Variants in NECAB1 observed in about 807,000 individuals in gnomAD.
The protein encoded by NECAB1 is N-terminal EF-hand calcium binding protein 1.
NECAB1 carries 29 observed loss-of-function variants against 57.5 expected under a neutral mutation model. The observed-to-expected ratio is 0.50, with a 90% CI of 0.38 to 0.69. The LOEUF (loss-of-function observed/expected upper bound fraction) is 0.69, where lower values mean the gene tolerates loss of function less well. NECAB1 is among the 30% of genes least tolerant of loss of function. The pLI is 0.00. For synonymous variants in NECAB1, 142 were observed against 147.7 expected (o/e 0.96, Z 0.28); for missense variants, 372 against 413.8 (o/e 0.90, Z 0.88).
chr8:90,954,485 G>A (rs1218082903), intron 12 of NECAB1, among the ~76,000 whole-genome samples: 4 of 151,694 alleles, frequency 2.6e-5, no homozygotes, highest in Non-Finnish European at 5.9e-5. Context: ...AAAAACCTAC[G>A]GTTATGGGAA....
intron 1 of NECAB1, among the ~76,000 whole-genome samples, chr8:90,796,310 AC>A (rs1330793596): frequency 3.3e-5 from 5 of 151,852 alleles, no homozygotes; most frequent in Admixed American, 2.6e-4. Context: ...ACTCCTGCCG[AC>A]CCTGTGTGGT....
At chr8:90,914,519 T>C (rs1444974897) in intron 5 of NECAB1, among the ~76,000 whole-genome samples, 1 of 152,086 alleles carries the variant, frequency 6.6e-6, no homozygotes, top group Non-Finnish European at 1.5e-5. Flanking sequence ...AATTTAATCC[T>C]CCAAACCTTA....
At chr8:90,830,315 A>G (rs1213717388) in intron 3 of NECAB1, among the ~76,000 whole-genome samples, 1 of 152,080 alleles carries the variant, frequency 6.6e-6, no homozygotes, top group African/African-American at 2.4e-5. Flanking sequence ...ACCAAGACTT[A>G]AGTTCCTGGA....
chr8:90,872,055 T>G (rs1808630659), intron 3 of NECAB1, 73 bp from the exon 4 acceptor site: 1 of 1,178,310 alleles, frequency 8.5e-7, no homozygotes, highest in Non-Finnish European at 1.2e-6. Context: ...CTAACTGTAT[T>G]TAACTATTTA....
intron 1 of NECAB1, among the ~76,000 whole-genome samples, chr8:90,792,351 C>T (rs1360786355): frequency 1.3e-5 from 2 of 152,168 alleles, no homozygotes; most frequent in Non-Finnish European, 2.9e-5. Context: ...CTCTAACGCG[C>T]CCTATTCGCA....
At chr8:90,892,887 G>A (rs2129964983) in intron 5 of NECAB1, among the ~76,000 whole-genome samples, 2 of 152,256 alleles carry the variant, frequency 1.3e-5, no homozygotes, top group South Asian at 4.1e-4. Flanking sequence ...TTTGCCCAGA[G>A]CACACAGGCC....
chr8:90,947,276 C>A (rs1342059838), intron 10 of NECAB1, among the ~76,000 whole-genome samples: 1 of 110,352 alleles, frequency 9.1e-6, no homozygotes, highest in Admixed American at 1.0e-4. Context: ...GTGATACTTT[C>A]CTTTTAGCTA....
chr8:90,821,343 T>C (rs1035329247), intron 2 of NECAB1, among the ~76,000 whole-genome samples: 1 of 151,940 alleles, frequency 6.6e-6, no homozygotes, highest in Admixed American at 6.6e-5. Context: ...GTTTCCAAAA[T>C]ATGACTGTGG....
chr8:90,939,583 T>A (rs1274910275), intron 9 of NECAB1, among the ~76,000 whole-genome samples: 1 of 152,230 alleles, frequency 6.6e-6, no homozygotes, highest in Non-Finnish European at 1.5e-5. Flanking sequence ...GGAAAGCCCA[T>A]GAGCTTTCCT....
intron 5 of NECAB1, among the ~76,000 whole-genome samples, chr8:90,887,576 G>C (rs1477697649): frequency 6.6e-6 from 1 of 152,146 alleles, no homozygotes; most frequent in Non-Finnish European, 1.5e-5. Flanking sequence ...GTTCAGAAAA[G>C]GGAGAGGTCA....
rs1240853164 is a variant in NECAB1, at chr8:90,879,813, T to C, written c.260-1220T>C. Among the ~76,000 whole-genome samples the C allele has an allele frequency of 2.6e-5, 4 of 152,384 alleles. No homozygotes were observed. The East Asian group carries it at 7.7e-4, about 29-fold the overall frequency. On this transcript the variant is annotated intron_variant, in intron 4 of 12. Transcript: ENST00000417640. ...GTATTTAAGGAGTAAATATTTTATT[T>C]ATCTTCCAACTAATCACTTTCTAAA...
At chr8:90,893,648 ACT>A (rs1470165767) in intron 5 of NECAB1, among the ~76,000 whole-genome samples, 3 of 151,820 alleles carry the variant, frequency 2.0e-5, no homozygotes, top group Admixed American at 6.6e-5. Context: ...GCAACACAAT[ACT>A]CTTTCTGAAC....
Position 90,880,750 on chromosome 8 carries a change from C to T in NECAB1, c.260-283C>T, listed in dbSNP as rs1297989794. ...TGTCAAAAATAATTTTTTATTGAAACATCCTTGTCAGTAGATTCAGATTTA... is the reference window on the plus strand; with the variant it reads ...TGTCAAAAATAATTTTTTATTGAAATATCCTTGTCAGTAGATTCAGATTTA... On this transcript the variant is annotated intron_variant, in intron 4 of 12. Coordinates refer to ENST00000417640, the MANE Select transcript of NECAB1 (RefSeq NM_022351.5). Among the ~76,000 whole-genome samples, 4 of 152,126 alleles carry T rather than the reference C, an allele frequency of 2.6e-5. No individual in the cohort carries two copies. The South Asian group carries it at 8.3e-4, about 31-fold the overall frequency.
intron 10 of NECAB1, among the ~76,000 whole-genome samples, chr8:90,943,368 G>A (rs1393546592): frequency 6.6e-6 from 1 of 152,110 alleles, no homozygotes; most frequent in African/African-American, 2.4e-5. Flanking sequence ...GATTTTTCAG[G>A]TAATTTCTTT....
At chr8:90,917,465 T>C in intron 5 of NECAB1, 27 bp from the exon 6 acceptor site, 1 of 1,568,722 alleles carries the variant, frequency 6.4e-7, no homozygotes, top group Non-Finnish European at 8.6e-7. Flanking sequence ...ACCATACTTC[T>C]AATTGCATTT....
At chr8:90,906,887 A>ATATATATATATATGTATATATATATG (rs1809675667) in intron 5 of NECAB1, among the ~76,000 whole-genome samples, 2 of 121,670 alleles carry the variant, frequency 1.6e-5, no homozygotes, top group African/African-American at 7.5e-5. Context: ...ATATATATAT[A>ATATATATATATATGTATATATATATG]TATATATATA....
chr8:90,802,842 C>G (rs1411868899), intron 2 of NECAB1, among the ~76,000 whole-genome samples: 1 of 152,054 alleles, frequency 6.6e-6, no homozygotes, highest in Non-Finnish European at 1.5e-5. Flanking sequence ...CTTTTTGTTC[C>G]CATTTGAAGC....
intron 3 of NECAB1, among the ~76,000 whole-genome samples, chr8:90,863,187 T>C (rs1282479249): frequency 6.6e-6 from 1 of 152,164 alleles, no homozygotes; most frequent in African/African-American, 2.4e-5. Flanking sequence ...GGTATGTTTC[T>C]ACTTGCCTTT....
At chr8:90,834,802 T>C (rs1812343769) in intron 3 of NECAB1, among the ~76,000 whole-genome samples, 2 of 152,178 alleles carry the variant, frequency 1.3e-5, no homozygotes, top group Admixed American at 1.3e-4. Context: ...ATAGCTTTTA[T>C]GTATGCATTC....
Sources: allele counts gnomAD v4.1 joint callset (sites outside exome capture counted in the v4.1 genomes callset), GRCh38; gene constraint gnomAD v4.1.1; transcripts MANE v1.5; gene names NCBI Gene and HGNC (gene_info 2026-07-23, HGNC 2026-07-21).